The following GOLGA4 variants were observed in gnomAD, a reference collection of about 807,000 sequenced individuals.
GOLGA4 encodes the protein golgin A4.
In GOLGA4, 169 loss-of-function variants were observed where a neutral mutation model predicts 265.9. That is an observed-to-expected ratio of 0.64 (90% CI 0.56 to 0.72). The LOEUF (loss-of-function observed/expected upper bound fraction) is 0.72, where lower values mean the gene tolerates loss of function less well. Ranked by LOEUF, GOLGA4 falls within the 30% of genes least tolerant of loss-of-function variation. The probability of loss-of-function intolerance (pLI) is 0.00; values close to 1 mark genes in which losing one functional copy is unlikely to be tolerated. For synonymous variants in GOLGA4, 923 were observed against 855.8 expected (o/e 1.08, Z -1.37); for missense variants, 2,482 against 2,483.4 (o/e 1.00, Z 0.01).
In GOLGA4 at chr3:37,243,832, G is replaced by C. The variant is rs956206791; in HGVS notation, c.72+210G>C. On this transcript the variant is annotated intron_variant, in intron 1 of 23. Coordinates refer to ENST00000361924, the MANE Select transcript of GOLGA4 (RefSeq NM_002078.5). ...TTTTCCCATCGCAAAACTTCATCCA[G>C]TCAATGAGTGGATGGGGGTGGCTGG... 2.4e-5 allele frequency: 14 copies of C among 579,170 alleles called. No homozygotes were observed. In the African/African-American group the frequency reaches 2.6e-4, roughly 11 times the overall value. The allele number at this position is 579,170 out of a possible 1,614,324, so 35.9% of individuals were successfully genotyped here. A position where few individuals can be genotyped will look rare whatever the true frequency, so the allele number is the denominator to read the frequency against.
rs149411821 is a variant in GOLGA4, at chr3:37,259,556, T to G, written c.162+8072T>G. ...CCTGATTTTCATGATATGAGTCTTC[T>G]TTTTTCCCCTCTGTCAGTCTAGCTA... On this transcript the variant is annotated intron_variant, in intron 2 of 23. Transcript: ENST00000361924. Among the ~76,000 whole-genome samples, 1,347 of 152,332 alleles carry G rather than the reference T, an allele frequency of 8.8e-3. 11 individuals are homozygous for G. The highest frequency in any genetic ancestry group is 0.014 in the Non-Finnish European group (959 of 68,036).
chr3:37,259,158 A>C (rs992828809), intron 2 of GOLGA4, among the ~76,000 whole-genome samples: 4 of 152,092 alleles, frequency 2.6e-5, no homozygotes, highest in African/African-American at 9.7e-5. Flanking sequence ...TACTTTTTAT[A>C]GCTCTGTTCA....
At chr3:37,306,534 T>A (rs1439803720) in intron 10 of GOLGA4, among the ~76,000 whole-genome samples, 3 of 151,738 alleles carry the variant, frequency 2.0e-5, no homozygotes, top group Non-Finnish European at 4.4e-5. Flanking sequence ...TGTGTGTGTG[T>A]GTGTGTGTGT....
chr3:37,280,447 A>G (rs2096831747), intron 2 of GOLGA4, among the ~76,000 whole-genome samples: 1 of 152,194 alleles, frequency 6.6e-6, no homozygotes, highest in African/African-American at 2.4e-5. Flanking sequence ...TGTATATGAA[A>G]CATAAATGAA....
intron 5 of GOLGA4, among the ~76,000 whole-genome samples, chr3:37,292,939 A>C (rs1246370722): frequency 6.6e-6 from 1 of 152,200 alleles, no homozygotes; most frequent in East Asian, 1.9e-4. Flanking sequence ...ATGTTGGGGC[A>C]ATGTGGGTGT....
At chr3:37,257,944 T>C (rs533805184) in intron 2 of GOLGA4, among the ~76,000 whole-genome samples, 2 of 117,154 alleles carry the variant, frequency 1.7e-5, no homozygotes, top group Non-Finnish European at 3.4e-5. Flanking sequence ...TACATACATA[T>C]ATATGTATGT....
intron 10 of GOLGA4, among the ~76,000 whole-genome samples, chr3:37,304,760 G>A (rs2096901689): frequency 6.6e-6 from 1 of 152,082 alleles, no homozygotes; most frequent in Non-Finnish European, 1.5e-5. Context: ...AAAATTTTCT[G>A]GTATATGTTC....
intron 2 of GOLGA4, among the ~76,000 whole-genome samples, chr3:37,255,474 C>T (rs553538878): frequency 4.7e-4 from 72 of 152,098 alleles, no homozygotes; most frequent in African/African-American, 1.4e-3. Context: ...TTATATGTCC[C>T]TTTTATAAAG....
At chr3:37,253,285 A>G (rs940127889) in intron 2 of GOLGA4, among the ~76,000 whole-genome samples, 1 of 151,634 alleles carries the variant, frequency 6.6e-6, no homozygotes, top group African/African-American at 2.4e-5. Context: ...TCCATTTCCC[A>G]TCCCTGACAG....
At chr3:37,268,378 C>G (rs988674021) in intron 2 of GOLGA4, among the ~76,000 whole-genome samples, 1 of 151,970 alleles carries the variant, frequency 6.6e-6, no homozygotes, top group African/African-American at 2.4e-5. Context: ...GCCACTATGT[C>G]TGGCCCAATT....
intron 2 of GOLGA4, among the ~76,000 whole-genome samples, chr3:37,262,702 A>G (rs1458312717): frequency 6.6e-6 from 1 of 152,148 alleles, no homozygotes; most frequent in East Asian, 1.9e-4. Flanking sequence ...CAGGAGTTCA[A>G]GATTATTCTG....
chr3:37,279,704 C>T (rs987457194), intron 2 of GOLGA4, among the ~76,000 whole-genome samples: 5 of 152,034 alleles, frequency 3.3e-5, no homozygotes, highest in Admixed American at 6.6e-5. Flanking sequence ...GTCAGGAGTT[C>T]GAGACCAGCC....
chr3:37,315,940 A>T (rs1330038817), intron 11 of GOLGA4, among the ~76,000 whole-genome samples: 1 of 152,172 alleles, frequency 6.6e-6, no homozygotes, highest in Non-Finnish European at 1.5e-5. Context: ...GTACTTGCCT[A>T]ATGTGTGTTG....
intron 10 of GOLGA4, among the ~76,000 whole-genome samples, chr3:37,310,014 A>G (rs887764829): frequency 3.3e-5 from 5 of 152,226 alleles, no homozygotes; most frequent in African/African-American, 1.2e-4. Context: ...TTCATTTTGT[A>G]GTGCATTTCA....
chr3:37,244,014 C>G (rs1464385072), intron 1 of GOLGA4: 1 of 201,136 alleles, frequency 5.0e-6, no homozygotes, highest in Non-Finnish European at 1.0e-5. Flanking sequence ...CTTGTGATAT[C>G]TGACCTCTGC....
chr3:37,285,639 T>G (rs768591587), intron 3 of GOLGA4, among the ~76,000 whole-genome samples: 14 of 152,130 alleles, frequency 9.2e-5, no homozygotes, highest in Non-Finnish European at 1.6e-4. Context: ...TAGATTGGGG[T>G]GGGGCCCAAG....
rs1168561737 is a variant in GOLGA4 at position 37,274,117 on chromosome 3, GATAATA to G, written c.163-7832_163-7827del. On this transcript the variant is annotated intron_variant, in intron 2 of 23. Transcript: ENST00000361924. ...TCTGTCTCAAAAAAAAAAAAAAAAA[GATAATA>G]ATAATAATTATGAGAAAGTGAAAAC... Among the ~76,000 whole-genome samples the G allele has an allele frequency of 6.9e-5, 9 of 129,830 alleles. No individual in the cohort carries two copies. The East Asian group carries it at 1.0e-3, about 15-fold the overall frequency. The allele number at this position is 129,830 out of a possible 152,430, so 85.2% of individuals were successfully genotyped here.
intron 5 of GOLGA4, among the ~76,000 whole-genome samples, chr3:37,289,924 ATTG>A (rs1242492298): frequency 3.3e-5 from 5 of 152,140 alleles, no homozygotes; most frequent in Non-Finnish European, 5.9e-5. Flanking sequence ...ACTCATTTGT[ATTG>A]TTTGTTGAAG....
intron 6 of GOLGA4, among the ~76,000 whole-genome samples, chr3:37,295,674 CCT>C (rs1185696451): frequency 1.3e-5 from 2 of 152,144 alleles, no homozygotes; most frequent in Non-Finnish European, 2.9e-5. Context: ...TTTAATCCGT[CCT>C]CTCTCTGTTT....
Sources: allele counts gnomAD v4.1 joint callset (sites outside exome capture counted in the v4.1 genomes callset), GRCh38; gene constraint gnomAD v4.1.1; transcripts MANE v1.5; gene names NCBI Gene and HGNC (gene_info 2026-07-23, HGNC 2026-07-21).